Variants in KDM2B observed in about 807,000 individuals in gnomAD.
KDM2B encodes lysine demethylase 2B.
In KDM2B, 26 loss-of-function variants were observed where a neutral mutation model predicts 150.0. That is an observed-to-expected ratio of 0.17 (90% confidence interval 0.13 to 0.24). The LOEUF is 0.24. Among genes scored for constraint, KDM2B ranks in the 10% least tolerant of loss-of-function variants. The probability of loss-of-function intolerance (pLI) is 1.00; values close to 1 mark genes in which losing one functional copy is unlikely to be tolerated. For missense variants in KDM2B, 1,265 were observed against 1,816.9 expected, an observed-to-expected ratio of 0.70 and a Z score of 5.52; for synonymous variants, 734 against 729.5, an observed-to-expected ratio of 1.01 and a Z score of -0.10.
rs781985295 is a variant in KDM2B at position 121,442,961 on chromosome 12, C to T, written c.2604+31G>A. On this transcript the variant is annotated intron_variant, in intron 18 of 22. Transcript: ENST00000377071. This position sits in a 1 kb window ranked among gnomAD's most constrained non-coding sequence, Gnocchi z 7.7. ...GCGGTGCAGCTCTAACCGCTCAGGC[C>T]TGGGGCACAGGAGGGAGGGGAAGAT... 6.2e-7 allele frequency: 1 copy of T among 1,612,264 alleles called. No homozygotes were observed. Among genetic ancestry groups the T allele is most frequent in the South Asian group, 1.1e-5 (1 of 90,710 alleles).
At chr12:121,413,415 C>CTTTTTTTTTTTTTTTTT in the KDM2B span, among the ~76,000 whole-genome samples, 1 of 130,692 alleles carries the variant, frequency 7.7e-6, no homozygotes, top group African/African-American at 3.2e-5. Flanking sequence ...TTTACCTGTC[C>CTTTTTTTTTTTTTTTTT]TTTTTTTTTT....
rs543684856 is a variant in KDM2B, at chr12:121,509,443, C to T, written c.1647+124G>A. 2.9e-4 allele frequency: 426 copies of T among 1,480,260 alleles called. No homozygotes were observed. In the Middle Eastern group the frequency reaches 4.6e-3, roughly 16 times the overall value. 91.7% of individuals were successfully genotyped at this position (1,480,260 alleles called of 1,614,324 possible). ...TGAGACCCCAGAAGCCCCCTCGCAG[C>T]GCCCACCCGAATGCTCAGAGCAATC... On this transcript the variant is annotated intron_variant, in intron 11 of 22. Transcript: ENST00000377071.
chr12:121,442,320 G>A lies in KDM2B; in HGVS notation c.3121C>T (p.His1041Tyr), dbSNP rs1052409606. Residue 1041 changes from histidine (H) to tyrosine (Y), a missense_variant, in exon 19 of 23, where the codon CAT becomes TAT. Around this residue, in one of 11 missense-constraint regions of KDM2B, gnomAD observed 251 missense variants for 397.8 expected, o/e 0.63. Coordinates refer to ENST00000377071, the MANE Select transcript of KDM2B (RefSeq NM_032590.5). This position sits in a 1 kb window ranked among gnomAD's most constrained non-coding sequence, Gnocchi z 7.7. ...SPPKCIQMER[H>Y]VIRPPPISPP... is the part of the protein sequence containing the mutation. ...CTGATGGGGGGTGGCCGGATCACAT[G>A]GCGCTCCATCTGGATACACTTGGGC... is the stretch of plus-strand genomic sequence containing the variant. 6.8e-6 allele frequency: 11 copies of A among 1,607,718 alleles called. No individual in the cohort carries two copies. In the South Asian group the frequency reaches 1.1e-4, roughly 16 times the overall value.
intron 12 of KDM2B, among the ~76,000 whole-genome samples, chr12:121,472,384 G>C (rs1407737117): frequency 6.6e-6 from 1 of 152,102 alleles, no homozygotes; most frequent in Non-Finnish European, 1.5e-5. Flanking sequence ...ACTGTAATTC[G>C]AACAGTGACA....
chr12:121,579,662 G>A (rs1891792649), intron 1 of KDM2B: 4 of 1,367,400 alleles, frequency 2.9e-6, no homozygotes, highest in Non-Finnish European at 3.8e-6. Flanking sequence ...CACTTCCTAA[G>A]GAGACTCCCC....
At chr12:121,525,000 C>T (rs1555306570) in intron 8 of KDM2B, among the ~76,000 whole-genome samples, 1 of 152,234 alleles carries the variant, frequency 6.6e-6, no homozygotes, top group African/African-American at 2.4e-5. Flanking sequence ...CTGCCTCCAC[C>T]TCTGTGGCTT....
chr12:121,492,831 AAAAAAAAAG>A (rs1323868329), intron 12 of KDM2B, among the ~76,000 whole-genome samples: 14 of 150,228 alleles, frequency 9.3e-5, no homozygotes, highest in Non-Finnish European at 1.8e-4. Flanking sequence ...CTCCGTCTCA[AAAAAAAAAG>A]AAAAAAAAAG....
At chr12:121,557,100 A>G (rs1291592008) in intron 4 of KDM2B, among the ~76,000 whole-genome samples, 1 of 152,084 alleles carries the variant, frequency 6.6e-6, no homozygotes, top group East Asian at 1.9e-4. Flanking sequence ...CTCAAGGGGT[A>G]CTGTGAGTTG....
chr12:121,526,114 G>A (rs1472230424), intron 8 of KDM2B, among the ~76,000 whole-genome samples: 1 of 152,192 alleles, frequency 6.6e-6, no homozygotes, highest in Non-Finnish European at 1.5e-5. Context: ...CACTTTGGGA[G>A]GCCAAGGCAG....
chr12:121,514,086 G>A (rs1885824088), intron 9 of KDM2B, among the ~76,000 whole-genome samples: 1 of 152,118 alleles, frequency 6.6e-6, no homozygotes, highest in African/African-American at 2.4e-5. Flanking sequence ...TGAGACCAGC[G>A]TGATGCTGAG....
chr12:121,576,957 T>G (rs1488646438), intron 2 of KDM2B, among the ~76,000 whole-genome samples: 1 of 152,152 alleles, frequency 6.6e-6, no homozygotes, highest in Non-Finnish European at 1.5e-5. Context: ...GGGAAAGCCC[T>G]GACCTCAGCA....
intron 6 of KDM2B, among the ~76,000 whole-genome samples, chr12:121,541,050 T>C (rs142579966): frequency 0.014 from 2,133 of 152,010 alleles, 47 homozygotes; most frequent in African/African-American, 0.049. Flanking sequence ...CTGACCAACA[T>C]GGAGAAACCC....
chr12:121,536,164 G>T, intron 6 of KDM2B: 6 of 906,904 alleles, frequency 6.6e-6, no homozygotes, highest in Non-Finnish European at 7.9e-6. Flanking sequence ...GAAGGCGGAG[G>T]GCTCCTGGTG....
chr12:121,566,379 T>G (rs1163410458), intron 4 of KDM2B, among the ~76,000 whole-genome samples: 1 of 152,044 alleles, frequency 6.6e-6, no homozygotes, highest in Non-Finnish European at 1.5e-5. Flanking sequence ...CCCAGCACTC[T>G]GGGAAGCTGA....
intron 11 of KDM2B, among the ~76,000 whole-genome samples, chr12:121,504,960 C>A (rs570017216): frequency 2.0e-5 from 3 of 151,864 alleles, no homozygotes; most frequent in South Asian, 4.2e-4. Flanking sequence ...ACTAAAAATA[C>A]AAAAAAATTA....
intron 6 of KDM2B, among the ~76,000 whole-genome samples, chr12:121,540,754 C>CAAAAA (rs60199948): frequency 1.6e-5 from 1 of 64,470 alleles, no homozygotes; most frequent in Non-Finnish European, 2.8e-5. Flanking sequence ...GACTCTGTCT[C>CAAAAA]AAAAAAAAAA....
At chr12:121,447,716 T>C (rs1876515188) in intron 13 of KDM2B, among the ~76,000 whole-genome samples, 1 of 151,856 alleles carries the variant, frequency 6.6e-6, no homozygotes. Flanking sequence ...CAGTCTGGAG[T>C]GCAGTGACAT....
At chr12:121,470,748 T>G (rs745906440) in intron 12 of KDM2B, among the ~76,000 whole-genome samples, 1 of 152,224 alleles carries the variant, frequency 6.6e-6, no homozygotes, top group African/African-American at 2.4e-5. Context: ...ATGAGGCTGG[T>G]GACAAACTCA....
At chr12:121,489,351 C>A (rs1246772955) in intron 12 of KDM2B, among the ~76,000 whole-genome samples, 6 of 151,948 alleles carry the variant, frequency 3.9e-5, no homozygotes, top group Non-Finnish European at 8.8e-5. Context: ...GTCACTGCAG[C>A]CTGCAGCTCC....
Sources: allele counts gnomAD v4.1 joint callset (sites outside exome capture counted in the v4.1 genomes callset), GRCh38; gene constraint gnomAD v4.1.1; regional missense constraint gnomAD v4.1.1; non-coding constraint Gnocchi (gnomAD v3.1); transcripts MANE v1.5; gene names NCBI Gene and HGNC (gene_info 2026-07-23, HGNC 2026-07-21).